FNIP2: variants seen among roughly 807,000 people sequenced by gnomAD.
The protein encoded by FNIP2 is folliculin interacting protein 2, also known as folliculin-interacting protein 2.
Under a neutral mutation model 108.7 loss-of-function variants are expected in FNIP2, and 32 were observed. The ratio of observed to expected loss-of-function variants is 0.29; its 90% CI spans 0.22 to 0.40. FNIP2 has a LOEUF of 0.40. FNIP2 is among the 10% of genes least tolerant of loss of function. The pLI, the probability that FNIP2 is intolerant of heterozygous loss-of-function variation, is 1.00. For missense variants in FNIP2, 1,202 were observed against 1,381.6 expected, an observed-to-expected ratio of 0.87 and a Z score of 2.06; for synonymous variants, 480 against 496.7, an observed-to-expected ratio of 0.97 and a Z score of 0.45.
chr4:158,907,150 T>G lies in FNIP2; in HGVS notation c.*2606T>G, dbSNP rs1729913018. The G allele has an allele frequency of 1.3e-5, 2 of 152,246 alleles. No individual in the cohort carries two copies. Among genetic ancestry groups the G allele is most frequent in the Non-Finnish European group, 2.9e-5 (2 of 68,044 alleles). The allele number at this position is 152,246 out of a possible 1,614,324, so 9.4% of individuals were successfully genotyped here. On this transcript the variant is annotated 3_prime_UTR_variant, in exon 17 of 17. Coordinates refer to ENST00000264433, the MANE Select transcript of FNIP2 (RefSeq NM_020840.3). ...CTTTCTAGCATGTTGCAGTTTTATT[T>G]TTAATAAATTGGTAAGTGAAATGAA...
At chr4:158,782,619 T>TC (rs1419998788) in intron 1 of FNIP2, among the ~76,000 whole-genome samples, 15 of 152,058 alleles carry the variant, frequency 9.9e-5, no homozygotes, top group Admixed American at 9.8e-4. Flanking sequence ...TGGCAGCTAA[T>TC]CCTAAAATTC....
At chr4:158,859,290 G>A (rs1242074824) in intron 9 of FNIP2, 32 bp downstream of exon 9, 1 of 1,563,394 alleles carries the variant, frequency 6.4e-7, no homozygotes, top group South Asian at 1.2e-5. Context: ...GTCAAATAGA[G>A]AAGTGATTGT....
chr4:158,786,660 T>C (rs546435260), intron 1 of FNIP2, among the ~76,000 whole-genome samples: 47 of 152,318 alleles, frequency 3.1e-4, no homozygotes, highest in African/African-American at 1.1e-3. Context: ...CACAGTGGTT[T>C]TTATTTTTAA....
At chr4:158,818,192 G>A (rs559378213) in intron 1 of FNIP2, among the ~76,000 whole-genome samples, 6 of 152,328 alleles carry the variant, frequency 3.9e-5, no homozygotes, top group Non-Finnish European at 7.3e-5. Flanking sequence ...TGTCACTGCC[G>A]TGTGAACACA....
chr4:158,817,421 CCTGG>C (rs1467807218), intron 1 of FNIP2, among the ~76,000 whole-genome samples: 2 of 152,192 alleles, frequency 1.3e-5, no homozygotes, highest in Admixed American at 6.5e-5. Context: ...CCTTTTCGTA[CCTGG>C]CTGAGATCAT....
chr4:158,799,925 T>G (rs1776706420), intron 1 of FNIP2, among the ~76,000 whole-genome samples: 1 of 152,226 alleles, frequency 6.6e-6, no homozygotes, highest in African/African-American at 2.4e-5. Flanking sequence ...AATTGCTGGT[T>G]ATCTCCCTGA....
chr4:158,849,863 G>A (rs1406888329), intron 7 of FNIP2, among the ~76,000 whole-genome samples: 2 of 151,402 alleles, frequency 1.3e-5, no homozygotes, highest in Admixed American at 6.6e-5. Context: ...TGTGGTCAAG[G>A]CACCGTTATG....
At chr4:158,794,947 C>CGGA (rs1347757680) in intron 1 of FNIP2, among the ~76,000 whole-genome samples, 2 of 152,172 alleles carry the variant, frequency 1.3e-5, no homozygotes, top group African/African-American at 4.8e-5. Context: ...CGATTACTGT[C>CGGA]ATAAGTACTA....
rs1261048747 is a variant in FNIP2, at chr4:158,851,421, A to C, written c.828A>C (p.Thr276=). 1 of 1,613,816 alleles carries C rather than the reference A, an allele frequency of 6.2e-7. No individual in the cohort carries two copies. The highest frequency in any genetic ancestry group is 2.2e-5 in the East Asian group (1 of 44,892). ...YQRRWLRSQT[T]SLENGIIPRR... ...GCCGCTGGCTTCGAAGTCAGACAAC[A>C]AGTTTGGAAAATGGCATCATCCCAA... The change falls in exon 8 of 17, where the codon ACA becomes ACC. Residue 276 remains threonine, a synonymous_variant. Transcript: ENST00000264433.
At chr4:158,789,227 A>G (rs1211171683) in intron 1 of FNIP2, among the ~76,000 whole-genome samples, 3 of 152,222 alleles carry the variant, frequency 2.0e-5, no homozygotes, top group Non-Finnish European at 4.4e-5. Context: ...TGAAACACAA[A>G]GATCACCTGA....
At chr4:158,870,516 T>C (rs1331405832) in intron 14 of FNIP2, 47 bp downstream of exon 14, 1 of 1,559,598 alleles carries the variant, frequency 6.4e-7, no homozygotes, top group South Asian at 1.2e-5. Context: ...AGTGTGTCAG[T>C]CAAGGTCTTG....
At chr4:158,805,040 C>A (rs953951055) in intron 1 of FNIP2, among the ~76,000 whole-genome samples, 1 of 152,110 alleles carries the variant, frequency 6.6e-6, no homozygotes, top group African/African-American at 2.4e-5. Context: ...TAATTGAAGG[C>A]CCTGCCATGA....
chr4:158,871,938 A>G (rs1052045184), intron 14 of FNIP2: 40 of 985,030 alleles, frequency 4.1e-5, no homozygotes, highest in Middle Eastern at 5.2e-4. Flanking sequence ...GTAACTGCCT[A>G]TAACATTAAG....
At chr4:158,861,285 A>G in intron 10 of FNIP2, 57 bp from the exon 11 acceptor site, 1 of 1,543,782 alleles carries the variant, frequency 6.5e-7, no homozygotes, top group Non-Finnish European at 8.7e-7. Flanking sequence ...TTACACCAAG[A>G]TTATCCAAAA....
At chr4:158,898,142 G>C (rs1359287157) in intron 16 of FNIP2, among the ~76,000 whole-genome samples, 2 of 152,094 alleles carry the variant, frequency 1.3e-5, no homozygotes, top group Admixed American at 1.3e-4. Context: ...AAGATCAGAT[G>C]GTTGTAGATG....
At chr4:158,839,169 C>A (rs565143334) in intron 7 of FNIP2, among the ~76,000 whole-genome samples, 1 of 152,078 alleles carries the variant, frequency 6.6e-6, no homozygotes, top group Admixed American at 6.5e-5. Flanking sequence ...GGATGCTTAC[C>A]CCATACCTAA....
chr4:158,816,813 A>G (rs1361880210), intron 1 of FNIP2, among the ~76,000 whole-genome samples: 48 of 151,052 alleles, frequency 3.2e-4, no homozygotes, highest in Admixed American at 3.2e-3. Flanking sequence ...TAGCTCAGTG[A>G]TTATTGAATT....
intron 1 of FNIP2, 83 bp downstream of exon 1, chr4:158,769,402 G>A (rs1242901968): frequency 4.2e-6 from 4 of 950,112 alleles, no homozygotes; most frequent in African/African-American, 3.5e-5. Flanking sequence ...GTAGGGGAAA[G>A]GGAAGGGACT....
chr4:158,819,807 T>C (rs561593101), intron 1 of FNIP2, among the ~76,000 whole-genome samples: 6 of 152,368 alleles, frequency 3.9e-5, no homozygotes, highest in Admixed American at 2.6e-4. Flanking sequence ...TTTCAGGGTG[T>C]AACTCTTTGG....
Sources: gnomAD v4.1 joint callset for allele counts (sites outside exome capture counted in the v4.1 genomes callset) on GRCh38, gnomAD v4.1.1 for gene constraint, MANE v1.5 for transcripts, NCBI Gene and HGNC (gene_info 2026-07-23, HGNC 2026-07-21) for gene names.